Variants in SLC1A3 observed in about 807,000 individuals in gnomAD.
SLC1A3 encodes excitatory amino acid transporter 1.
SLC1A3 carries 21 observed loss-of-function variants against 48.1 expected under a neutral mutation model. The observed-to-expected ratio is 0.44, with a 90% CI of 0.31 to 0.63. The LOEUF (loss-of-function observed/expected upper bound fraction) is 0.63, where lower values mean the gene tolerates loss of function less well. SLC1A3 is among the 20% of genes least tolerant of loss of function. SLC1A3 has a pLI of 0.08. For missense variants in SLC1A3, 546 were observed against 689.0 expected, an observed-to-expected ratio of 0.79 and a Z score of 2.32; for synonymous variants, 239 against 251.4, an observed-to-expected ratio of 0.95 and a Z score of 0.47.
intron 3 of SLC1A3, among the ~76,000 whole-genome samples, chr5:36,649,536 TTTA>T (rs1182088384): frequency 6.6e-6 from 1 of 152,154 alleles, no homozygotes; most frequent in African/African-American, 2.4e-5. Flanking sequence ...CTTTCTATAG[TTTA>T]TTATTTGTCT....
intron 3 of SLC1A3, among the ~76,000 whole-genome samples, chr5:36,651,173 A>G (rs1741052174): frequency 6.7e-6 from 1 of 149,270 alleles, no homozygotes; most frequent in Non-Finnish European, 1.5e-5. Flanking sequence ...AAAAGGAAAT[A>G]TAGAAACTAG....
chr5:36,665,644 C>G (rs1326653916), intron 3 of SLC1A3, among the ~76,000 whole-genome samples: 1 of 152,186 alleles, frequency 6.6e-6, no homozygotes, highest in Non-Finnish European at 1.5e-5. Context: ...TAAGTGCTTT[C>G]TATATGGAAG....
chr5:36,598,950 ATTTAAC>A (rs1192857465), intron 1 of SLC1A3, among the ~76,000 whole-genome samples: 2 of 152,220 alleles, frequency 1.3e-5, no homozygotes, highest in African/African-American at 4.8e-5. Flanking sequence ...AATATATATT[ATTTAAC>A]TCAATATATC....
At chr5:36,670,506 CA>C (rs796103537) in intron 3 of SLC1A3, among the ~76,000 whole-genome samples, 21 of 152,154 alleles carry the variant, frequency 1.4e-4, no homozygotes, top group African/African-American at 4.1e-4. Flanking sequence ...ATTAAAACAT[CA>C]AAAAAGAATC....
chr5:36,636,080 T>TGTGTGTGTGTGTGTGTGTGTGTGTGTGTG (rs1554041124), intron 3 of SLC1A3: 2 of 152,046 alleles, frequency 1.3e-5, no homozygotes, highest in East Asian at 1.9e-4. Context: ...TGTGTGTGTA[T>TGTGTGTGTGTGTGTGTGTGTGTGTGTGTG]TTAGGTTTTG....
At chr5:36,620,235 C>T (rs1235002327) in intron 2 of SLC1A3, among the ~76,000 whole-genome samples, 1 of 152,178 alleles carries the variant, frequency 6.6e-6, no homozygotes, top group Non-Finnish European at 1.5e-5. Flanking sequence ...TAAAGCATCG[C>T]CTACCCTAAG....
chr5:36,636,719 C>T (rs1740405631), intron 3 of SLC1A3, among the ~76,000 whole-genome samples: 1 of 150,642 alleles, frequency 6.6e-6, no homozygotes. Flanking sequence ...ACCTGAGGAA[C>T]ATGGCCTCAC....
chr5:36,627,980 C>T (rs565677727), intron 2 of SLC1A3, among the ~76,000 whole-genome samples: 1 of 152,296 alleles, frequency 6.6e-6, no homozygotes, highest in Admixed American at 6.5e-5. Flanking sequence ...CTAACCTAGG[C>T]AACACCCAGC....
intron 8 of SLC1A3, among the ~76,000 whole-genome samples, chr5:36,681,494 A>G (rs1181351616): frequency 6.6e-6 from 1 of 152,248 alleles, no homozygotes. Flanking sequence ...ATGACAGACC[A>G]CACTGACAAG....
intron 3 of SLC1A3, among the ~76,000 whole-genome samples, chr5:36,658,924 A>G (rs79968915): frequency 1.5e-3 from 235 of 152,238 alleles, no homozygotes; most frequent in African/African-American, 5.4e-3. Flanking sequence ...AACTAACTCC[A>G]GTGCAGGTCC....
Position 36,683,990 on chromosome 5 carries a change from C to T in SLC1A3, c.1416C>T (p.Asp472=). The T allele has an allele frequency of 6.2e-7, 1 of 1,614,230 alleles. No individual in the cohort carries two copies. Among genetic ancestry groups the T allele is most frequent in the Non-Finnish European group, 8.5e-7 (1 of 1,180,036 alleles). Residue 472 remains aspartate, a synonymous_variant, in exon 9 of 10, where the codon GAC becomes GAT. Coordinates refer to ENST00000265113, the MANE Select transcript of SLC1A3 (RefSeq NM_004172.5). The part of the protein sequence containing the change: ...TDDITLIIAV[D]WFLDRLRTTT... ...ACATCACGCTCATCATCGCGGTGGA[C>T]TGGTTCCTGTGAGTATGCTTGGCCT...
At chr5:36,651,074 A>G (rs1450896880) in intron 3 of SLC1A3, among the ~76,000 whole-genome samples, 2 of 151,454 alleles carry the variant, frequency 1.3e-5, no homozygotes, top group Admixed American at 6.6e-5. Flanking sequence ...GTAAAAGAAC[A>G]TTAACATGAT....
intron 2 of SLC1A3, among the ~76,000 whole-genome samples, chr5:36,610,286 A>T (rs1379055912): frequency 6.6e-6 from 1 of 152,228 alleles, no homozygotes; most frequent in Non-Finnish European, 1.5e-5. Flanking sequence ...CTAGCAGTGC[A>T]TTCACACAGC....
intron 3 of SLC1A3, among the ~76,000 whole-genome samples, chr5:36,640,628 T>G (rs1368095821): frequency 6.6e-6 from 1 of 152,126 alleles, no homozygotes; most frequent in East Asian, 1.9e-4. Flanking sequence ...GGATAAGTAA[T>G]AAGTCAAAAA....
intron 6 of SLC1A3, among the ~76,000 whole-genome samples, chr5:36,678,998 T>A (rs148861790): frequency 6.6e-6 from 1 of 152,286 alleles, no homozygotes; most frequent in South Asian, 2.1e-4. Flanking sequence ...GTAAAAAAGG[T>A]GATCTGAAGA....
Position 36,620,054 on chromosome 5 carries a change from A to G in SLC1A3, c.182-9396A>G, listed in dbSNP as rs972478899. ...AAAAGAGGCCTGAAGAGATTGTGTG[A>G]TTTGAAGATATGGAAACAGGCAGAC... On this transcript the variant is annotated intron_variant, in intron 2 of 9. Coordinates refer to ENST00000265113, the MANE Select transcript of SLC1A3 (RefSeq NM_004172.5). Among the ~76,000 whole-genome samples the G allele has an allele frequency of 9.8e-5, 15 of 152,320 alleles. 1 individual carries two copies. Among genetic ancestry groups the G allele is most frequent in the South Asian group, 8.3e-4 (4 of 4,832 alleles).
intron 7 of SLC1A3, 183 bp from the exon 8 acceptor site, chr5:36,680,212 A>G (rs1223757838): frequency 6.1e-6 from 4 of 657,402 alleles, no homozygotes; most frequent in Non-Finnish European, 1.1e-5. Flanking sequence ...GAGAGCTGCC[A>G]AATGACCCCG....
rs753780652 is a variant in SLC1A3 at position 36,686,070 on chromosome 5, G to A, written c.1430G>A (p.Arg477His). ...CCTCCCCACCCTGCCTGCAGGGATCGCCTCCGGACCACCACCAACGTACTG... is the reference window on the plus strand; with the variant it reads ...CCTCCCCACCCTGCCTGCAGGGATCACCTCCGGACCACCACCAACGTACTG... ...LIIAVDWFLD[R>H]LRTTTNVLGD... Residue 477 changes from arginine to histidine, a missense_variant, in exon 10 of 10, where the codon CGC becomes CAC. Arg to His is a conservative substitution (Grantham distance 29). This residue lies in a region of SLC1A3 where 142 missense variants were observed against 238.0 expected (regional missense o/e 0.60). Transcript: ENST00000265113. 16 of 1,614,018 alleles carry A rather than the reference G, an allele frequency of 9.9e-6. No homozygotes were observed. Among genetic ancestry groups the A allele is most frequent in the Non-Finnish European group, 1.3e-5 (15 of 1,179,952 alleles).
intron 3 of SLC1A3, among the ~76,000 whole-genome samples, chr5:36,635,218 G>C (rs1340329841): frequency 6.6e-6 from 1 of 151,774 alleles, no homozygotes; most frequent in Non-Finnish European, 1.5e-5. Context: ...AATTTCTTTA[G>C]GCTTCCCTTT....
Sources: gnomAD v4.1 joint callset for allele counts (sites outside exome capture counted in the v4.1 genomes callset) on GRCh38, gnomAD v4.1.1 for gene constraint, gnomAD v4.1.1 regional missense constraint, MANE v1.5 for transcripts, NCBI Gene and HGNC (gene_info 2026-07-23, HGNC 2026-07-21) for gene names.